The following SMCHD1 variants were observed in gnomAD, a reference collection of about 807,000 sequenced individuals.
SMCHD1 encodes structural maintenance of chromosomes flexible hinge domain-containing protein 1.
SMCHD1 carries 78 observed loss-of-function variants against 254.7 expected under a neutral mutation model. That is an observed-to-expected ratio of 0.31 (90% CI 0.26 to 0.37). The LOEUF is 0.37. Among genes scored for constraint, SMCHD1 ranks in the 10% least tolerant of loss-of-function variants. The pLI is 1.00. For missense variants in SMCHD1, 1,840 were observed against 2,408.1 expected (o/e 0.76, Z 4.94); for synonymous variants, 766 against 794.9 (o/e 0.96, Z 0.61).
intron 30 of SMCHD1, among the ~76,000 whole-genome samples, chr18:2,749,494 CAGTTATT>C (rs2075531480): frequency 6.6e-6 from 1 of 152,058 alleles, no homozygotes; most frequent in Non-Finnish European, 1.5e-5. Context: ...CCTTCTAGAC[CAGTTATT>C]AGGAAATGTG....
At chr18:2,694,106 C>T (rs1323814132) in intron 7 of SMCHD1, among the ~76,000 whole-genome samples, 1 of 152,168 alleles carries the variant, frequency 6.6e-6, no homozygotes, top group Non-Finnish European at 1.5e-5. Context: ...CTGGGTCCAG[C>T]CTGCCCTGTA....
intron 2 of SMCHD1, 57 bp downstream of exon 2, chr18:2,666,289 A>T (rs1269877845): frequency 2.6e-6 from 2 of 772,234 alleles, no homozygotes; most frequent in East Asian, 2.8e-5. Flanking sequence ...TTTAGTACAT[A>T]TATAGCAATA....
At chr18:2,770,767 CATG>C (rs1309557098) in intron 39 of SMCHD1, among the ~76,000 whole-genome samples, 2 of 152,102 alleles carry the variant, frequency 1.3e-5, no homozygotes, top group African/African-American at 4.8e-5. Flanking sequence ...ATTACAGGCA[CATG>C]CCACCACGCC....
At chr18:2,660,680 G>C (rs1640641240) in intron 1 of SMCHD1, among the ~76,000 whole-genome samples, 1 of 149,800 alleles carries the variant, frequency 6.7e-6, no homozygotes, top group Admixed American at 6.6e-5. Flanking sequence ...TACCATGTTG[G>C]CCAGGGTGGT....
rs1003437804 is a variant in SMCHD1 at position 2,678,715 on chromosome 18, G to A, written c.638+4570G>A. On this transcript the variant is annotated intron_variant, in intron 5 of 47. Coordinates refer to ENST00000320876, the MANE Select transcript of SMCHD1 (RefSeq NM_015295.3). The stretch of plus-strand genomic sequence containing the variant: ...TACTTTCTAATATCCTGGTATTTTA[G>A]CCCAAAGGACTCTCTCTAGTGGCTC... 5.9e-4 allele frequency among the ~76,000 whole-genome samples: 89 copies of A among 151,946 alleles called. 1 individual carries two copies. The highest frequency in any genetic ancestry group is 8.5e-4 in the Admixed American group (13 of 15,278).
rs2304861 is a variant in SMCHD1, at chr18:2,750,206, C to T, written c.4007+84C>T. On this transcript the variant is annotated intron_variant, in intron 31 of 47. Transcript: ENST00000320876. ...TGCCGAAGTTACAGCTAATGACTAT[C>T]CTTCTGTTTAATGTTAGGCAAGAGT... is the stretch of plus-strand genomic sequence containing the variant. 0.081 allele frequency: 114,853 copies of T among 1,423,172 alleles called. 7,597 individuals are homozygous for T. The highest frequency in any genetic ancestry group is 0.39 in the East Asian group (16,078 of 41,140). 88.2% of individuals were successfully genotyped at this position (1,423,172 alleles called of 1,614,324 possible). A position where few individuals can be genotyped will look rare whatever the true frequency, so the allele number is the denominator to read the frequency against.
At position 2,780,216 on chromosome 18, in the gene SMCHD1, G is replaced by C. The variant is rs543809004; in HGVS notation, c.5547+1977G>C. On this transcript the variant is annotated intron_variant, in intron 44 of 47. Transcript: ENST00000320876. ...ATCATGCCACTGCACTCCAGTCCGG[G>C]GTGACAGAGCAAGACTCTATCTAAA... 2.0e-4 allele frequency among the ~76,000 whole-genome samples: 26 copies of C among 130,622 alleles called. No individual in the cohort carries two copies. The South Asian group carries it at 4.4e-3, about 22-fold the overall frequency. 85.7% of individuals were successfully genotyped at this position (130,622 alleles called of 152,430 possible). A position where few individuals can be genotyped will look rare whatever the true frequency, so the allele number is the denominator to read the frequency against.
intron 22 of SMCHD1, chr18:2,727,022 A>G (rs1265046874): frequency 6.5e-6 from 1 of 152,838 alleles, no homozygotes; most frequent in African/African-American, 2.4e-5. Context: ...CTGGGTTAGT[A>G]TCTAGGTAAA....
At chr18:2,758,845 A>G (rs1446651255) in intron 34 of SMCHD1, among the ~76,000 whole-genome samples, 2 of 151,658 alleles carry the variant, frequency 1.3e-5, no homozygotes, top group East Asian at 1.9e-4. Context: ...TGATATGTCT[A>G]TGTGGATTTC....
At chr18:2,754,863 C>T (rs536630218) in intron 34 of SMCHD1, among the ~76,000 whole-genome samples, 172 of 150,838 alleles carry the variant, frequency 1.1e-3, no homozygotes, top group African/African-American at 3.8e-3. Flanking sequence ...AGGCCAGGTG[C>T]GGTGGCTCAC....
chr18:2,706,326 T>C (rs1284716532), intron 14 of SMCHD1, 38 bp from the exon 15 acceptor site: 16 of 1,365,330 alleles, frequency 1.2e-5, no homozygotes, highest in Non-Finnish European at 1.5e-5. Flanking sequence ...TAGATTTAAA[T>C]AGTTTTCTTT....
intron 3 of SMCHD1, among the ~76,000 whole-genome samples, chr18:2,670,389 A>C (rs1353086452): frequency 6.6e-6 from 1 of 152,010 alleles, no homozygotes; most frequent in African/African-American, 2.4e-5. Context: ...TTGCAACTGT[A>C]TTCCTTCTGT....
At chr18:2,760,211 C>G (rs1369929143) in intron 34 of SMCHD1, among the ~76,000 whole-genome samples, 1 of 152,036 alleles carries the variant, frequency 6.6e-6, no homozygotes, top group Non-Finnish European at 1.5e-5. Context: ...CAGTAAATAC[C>G]TTGTATGTGT....
intron 17 of SMCHD1, among the ~76,000 whole-genome samples, chr18:2,708,949 T>A (rs2074600167): frequency 7.6e-6 from 1 of 131,942 alleles, no homozygotes; most frequent in African/African-American, 2.9e-5. Flanking sequence ...TTAAGTACAT[T>A]CATATTGTTG....
At chr18:2,669,607 C>G (rs1031125841) in intron 3 of SMCHD1, among the ~76,000 whole-genome samples, 10 of 152,166 alleles carry the variant, frequency 6.6e-5, no homozygotes, top group African/African-American at 2.4e-4. Context: ...TGATCAGGTC[C>G]TATCTCATGG....
chr18:2,722,740 T>G (rs934479774), intron 20 of SMCHD1, 77 bp downstream of exon 20: 32 of 1,351,106 alleles, frequency 2.4e-5, no homozygotes, highest in African/African-American at 4.4e-5. Flanking sequence ...TTCATTTTTT[T>G]TGTGTGTAAG....
chr18:2,678,098 G>A (rs1392685807), intron 5 of SMCHD1, among the ~76,000 whole-genome samples: 3 of 152,060 alleles, frequency 2.0e-5, no homozygotes, highest in African/African-American at 4.8e-5. Flanking sequence ...AAATGTGATC[G>A]TTATACATTA....
Position 2,802,853 on chromosome 18 carries a change from C to G in SMCHD1, c.*301C>G, listed in dbSNP as rs2076389025. ...AATGTGGCAGTGACTGTAAAACTGG[C>G]ACATGGCATTTATTAATCCTGAAGA... On this transcript the variant is annotated 3_prime_UTR_variant, in exon 48 of 48. Transcript: ENST00000320876. The G allele has an allele frequency of 3.4e-6, 1 of 298,230 alleles. No individual in the cohort carries two copies. Among genetic ancestry groups the G allele is most frequent in the African/African-American group, 2.2e-5 (1 of 46,178 alleles). The allele number at this position is 298,230 out of a possible 1,614,324, so 18.5% of individuals were successfully genotyped here.
rs577386913 is a variant in SMCHD1, at chr18:2,730,081, G to A, written c.3048+672G>A. Among the ~76,000 whole-genome samples the A allele has an allele frequency of 1.1e-4, 17 of 152,248 alleles. No homozygotes were observed. In the South Asian group the frequency reaches 3.5e-3, roughly 32 times the overall value. On this transcript the variant is annotated intron_variant, in intron 24 of 47. Coordinates refer to ENST00000320876, the MANE Select transcript of SMCHD1 (RefSeq NM_015295.3). ...AAATATCTCTGTTTAAACCACCATGGAAGGACATATAAACCTTTAATTTTT... is the reference window on the plus strand; with the variant it reads ...AAATATCTCTGTTTAAACCACCATGAAAGGACATATAAACCTTTAATTTTT...
Sources: gnomAD v4.1 joint callset for allele counts (sites outside exome capture counted in the v4.1 genomes callset) on GRCh38, gnomAD v4.1.1 for gene constraint, MANE v1.5 for transcripts, NCBI Gene and HGNC (gene_info 2026-07-23, HGNC 2026-07-21) for gene names.